The following KANK1 variants were observed in gnomAD, a reference collection of about 807,000 sequenced individuals.
KANK1 encodes the protein KN motif and ankyrin repeat domain-containing protein 1.
A neutral mutation model predicts 106.2 loss-of-function variants in KANK1; 109 were observed. That is an observed-to-expected ratio of 1.03 (90% CI 0.88 to 1.20). KANK1 has a LOEUF of 1.20. KANK1 is among the 50% of genes most tolerant of loss of function. The pLI, the probability that KANK1 is intolerant of heterozygous loss-of-function variation, is 0.00. For missense variants in KANK1, 2,399 were observed against 1,710.7 expected (o/e 1.40, Z -7.10); for synonymous variants, 873 against 652.2 (o/e 1.34, Z -5.16).
At chr9:556,830 G>C (rs1276726588) in intron 1 of KANK1, among the ~76,000 whole-genome samples, 1 of 152,108 alleles carries the variant, frequency 6.6e-6, no homozygotes, top group South Asian at 2.1e-4. Flanking sequence ...GCTTGTTACA[G>C]ACTCACTTAG....
intron 9 of KANK1, 90 bp downstream of exon 9, chr9:741,024 C>A: frequency 7.0e-7 from 1 of 1,420,206 alleles, no homozygotes; most frequent in Non-Finnish European, 9.6e-7. Context: ...GGCATAGATG[C>A]CACGCTTCCA....
At chr9:687,245 G>A (rs1000622315) in intron 2 of KANK1, among the ~76,000 whole-genome samples, 4 of 152,004 alleles carry the variant, frequency 2.6e-5, no homozygotes, top group African/African-American at 9.7e-5. Context: ...TGCGAGCATT[G>A]GTCCTTCTTT....
At chr9:542,280 A>T (rs761750003) in intron 1 of KANK1, among the ~76,000 whole-genome samples, 1 of 152,230 alleles carries the variant, frequency 6.6e-6, no homozygotes, top group Non-Finnish European at 1.5e-5. Context: ...CAGGCAGATC[A>T]CTTGAGGTCA....
intron 1 of KANK1, among the ~76,000 whole-genome samples, chr9:615,735 A>G (rs1831654694): frequency 6.6e-6 from 1 of 152,238 alleles, no homozygotes; most frequent in Non-Finnish European, 1.5e-5. Flanking sequence ...GACATGAAGA[A>G]CAAATGTTAT....
In KANK1 at chr9:494,538, TA is replaced by T. The variant is rs994428769; in HGVS notation, c.-362+21269del. Among the ~76,000 whole-genome samples, 28 of 152,328 alleles carry T rather than the reference TA, an allele frequency of 1.8e-4. 1 individual carries two copies. Among genetic ancestry groups the T allele is most frequent in the African/African-American group, 6.3e-4 (26 of 41,558 alleles). On this transcript the variant is annotated intron_variant, in intron 3 of 15. Coordinates refer to the KANK1 transcript ENST00000382303. The stretch of plus-strand genomic sequence containing the variant: ...GTATATCACTTCTGAGATTAGATTA[TA>T]AAAGGCATTGTGCTACCATCTTGGT...
chr9:673,082 A>G (rs965565620), intron 1 of KANK1, among the ~76,000 whole-genome samples: 1 of 152,104 alleles, frequency 6.6e-6, no homozygotes, highest in South Asian at 2.1e-4. Flanking sequence ...AAGAATGAGC[A>G]CTCACAATTT....
intron 1 of KANK1, among the ~76,000 whole-genome samples, chr9:520,958 C>T (rs1238398594): frequency 6.6e-6 from 1 of 151,648 alleles, no homozygotes; most frequent in Admixed American, 6.6e-5. Flanking sequence ...TTTTGGCAGC[C>T]AATTAACAGT....
At chr9:705,281 T>A (rs1823775912) in intron 2 of KANK1, among the ~76,000 whole-genome samples, 1 of 151,658 alleles carries the variant, frequency 6.6e-6, no homozygotes, top group African/African-American at 2.4e-5. Flanking sequence ...AGGTCAGGAG[T>A]TTGAGACCAG....
At chr9:632,926 T>C (rs1468408183) in intron 1 of KANK1, among the ~76,000 whole-genome samples, 3 of 152,030 alleles carry the variant, frequency 2.0e-5, no homozygotes, top group Admixed American at 1.3e-4. Context: ...ACTCCTGACC[T>C]CAGGTGATCC....
In KANK1 at chr9:707,302, C is replaced by T. The variant is rs1824595473; in HGVS notation, c.38-3502C>T. On this transcript the variant is annotated intron_variant, in intron 2 of 11. Coordinates refer to ENST00000382297, the MANE Select transcript of KANK1 (RefSeq NM_015158.5). ...CCACCGCTGGCCGAATTCCGGGGGG[C>T]CTGGGCGAGGGGGGCCGGCCGGGAA... 26 of 909,440 alleles carry T rather than the reference C, an allele frequency of 2.9e-5. No homozygotes were observed. The South Asian group carries it at 1.2e-3, about 40-fold the overall frequency. 56.3% of individuals were successfully genotyped at this position (909,440 alleles called of 1,614,324 possible).
intron 1 of KANK1, among the ~76,000 whole-genome samples, chr9:563,136 G>A (rs186063912): frequency 6.6e-6 from 1 of 151,664 alleles, no homozygotes; most frequent in East Asian, 1.9e-4. Flanking sequence ...CCTGTGTTCT[G>A]TAGCTCTATT....
chr9:618,710 T>A (rs1260916541), intron 1 of KANK1, among the ~76,000 whole-genome samples: 7 of 151,992 alleles, frequency 4.6e-5, no homozygotes, highest in Admixed American at 6.6e-5. Flanking sequence ...TTGCTTTTTT[T>A]AAAAAAAAGT....
chr9:713,644 C>G (rs1398855611), intron 3 of KANK1, among the ~76,000 whole-genome samples, 180 bp downstream of exon 3: 1 of 152,168 alleles, frequency 6.6e-6, no homozygotes, highest in Non-Finnish European at 1.5e-5. Context: ...TCTGCTGATG[C>G]TTATTATCTG....
At chr9:499,880 G>A (rs1404279146), upstream of KANK1, among the ~76,000 whole-genome samples, 1 of 152,198 alleles carries the variant, frequency 6.6e-6, no homozygotes, top group African/African-American at 2.4e-5. Flanking sequence ...ACAAAGAGAA[G>A]TACTTTATGA....
chr9:478,059 G>T, intron 3 of KANK1: 1 of 204,894 alleles, frequency 4.9e-6, no homozygotes, highest in Non-Finnish European at 9.9e-6. Flanking sequence ...AGAACAGACA[G>T]GCTCAGACTG....
chr9:536,369 T>G (rs1480423550), intron 1 of KANK1, among the ~76,000 whole-genome samples: 2 of 152,094 alleles, frequency 1.3e-5, no homozygotes, highest in African/African-American at 4.8e-5. Flanking sequence ...GCACACATTT[T>G]TTTATATTAC....
chr9:666,473 C>T (rs1844611582), intron 1 of KANK1, among the ~76,000 whole-genome samples: 1 of 152,000 alleles, frequency 6.6e-6, no homozygotes, highest in African/African-American at 2.4e-5. Context: ...AGGACTTCCG[C>T]TTTATGTTGA....
intron 1 of KANK1, among the ~76,000 whole-genome samples, chr9:546,145 T>C (rs1257199373): frequency 1.3e-5 from 2 of 152,222 alleles, no homozygotes; most frequent in South Asian, 2.1e-4. Context: ...TCAGCTCTTA[T>C]GTGCCACCTT....
intron 1 of KANK1, among the ~76,000 whole-genome samples, chr9:624,467 A>G (rs573153297): frequency 6.6e-6 from 1 of 152,142 alleles, no homozygotes; most frequent in Admixed American, 6.6e-5. Flanking sequence ...TCCTCAATAA[A>G]ATTAGGAAAA....
Sources: gnomAD v4.1 joint callset for allele counts (sites outside exome capture counted in the v4.1 genomes callset) on GRCh38, gnomAD v4.1.1 for gene constraint, MANE v1.5 for transcripts, NCBI Gene and HGNC (gene_info 2026-07-23, HGNC 2026-07-21) for gene names.